CREB5: variants seen among roughly 807,000 people sequenced by gnomAD.
CREB5 encodes the protein cyclic AMP-responsive element-binding protein 5.
CREB5 carries 19 observed loss-of-function variants against 57.1 expected under a neutral mutation model. That is an observed-to-expected ratio of 0.33 (90% CI 0.23 to 0.49). CREB5 has a LOEUF of 0.49. CREB5 is among the 20% of genes least tolerant of loss of function. The pLI is 0.99. For synonymous variants in CREB5, 238 were observed against 238.3 expected (o/e 1.00, Z 0.01); for missense variants, 579 against 671.6 (o/e 0.86, Z 1.52).
At chr7:28,614,063 G>T (rs977248594) in intron 5 of CREB5, among the ~76,000 whole-genome samples, 11 of 152,138 alleles carry the variant, frequency 7.2e-5, no homozygotes, top group African/African-American at 2.7e-4. Context: ...AGCCTCAAGA[G>T]ATCCTCTCAC....
intron 6 of CREB5, among the ~76,000 whole-genome samples, chr7:28,720,651 A>G (rs183190861): frequency 2.2e-4 from 34 of 152,290 alleles, no homozygotes; most frequent in African/African-American, 7.7e-4. Context: ...ACACTGGGCC[A>G]GAGGACAGAT....
intron 6 of CREB5, among the ~76,000 whole-genome samples, chr7:28,723,018 C>T (rs969059035): frequency 1.3e-5 from 2 of 152,206 alleles, no homozygotes; most frequent in Non-Finnish European, 2.9e-5. Context: ...CACTCTTGTT[C>T]GTGAGGTTTC....
At chr7:28,673,347 C>T (rs1800143685) in intron 5 of CREB5, among the ~76,000 whole-genome samples, 1 of 152,124 alleles carries the variant, frequency 6.6e-6, no homozygotes, top group Non-Finnish European at 1.5e-5. Flanking sequence ...ATCCAGAAAG[C>T]ATCTGCTCCT....
At chr7:28,534,348 C>T (rs1793864214) in intron 4 of CREB5, among the ~76,000 whole-genome samples, 1 of 152,206 alleles carries the variant, frequency 6.6e-6, no homozygotes, top group African/African-American at 2.4e-5. Flanking sequence ...GTGTCTCAGC[C>T]CACCCTGCGT....
chr7:28,601,419 A>G (rs1796916731), intron 5 of CREB5, among the ~76,000 whole-genome samples: 1 of 152,166 alleles, frequency 6.6e-6, no homozygotes, highest in Non-Finnish European at 1.5e-5. Flanking sequence ...CATGAGCTCT[A>G]GAAGCAGCCC....
intron 7 of CREB5, among the ~76,000 whole-genome samples, chr7:28,778,268 A>G (rs1806774249): frequency 6.6e-6 from 1 of 152,254 alleles, no homozygotes; most frequent in Admixed American, 6.5e-5. Context: ...AAGGTATGTA[A>G]TGTTAAGCCT....
At chr7:28,454,575 C>T (rs177571) in intron 1 of CREB5, among the ~76,000 whole-genome samples, 130,809 of 152,102 alleles carry the variant, frequency 0.86, 56,691 homozygotes, top group East Asian at 1. Context: ...CCTCACCTTC[C>T]CCTGAGTCTA....
At chr7:28,327,917 AC>A (rs1208782510) in intron 1 of CREB5, among the ~76,000 whole-genome samples, 1 of 152,200 alleles carries the variant, frequency 6.6e-6, no homozygotes. Flanking sequence ...TTTTCAAAAA[AC>A]AAGTCTGGTT....
chr7:28,519,248 A>G (rs1261286901), intron 4 of CREB5, among the ~76,000 whole-genome samples: 4 of 152,108 alleles, frequency 2.6e-5, no homozygotes, highest in African/African-American at 9.7e-5. Flanking sequence ...GTATTACAAC[A>G]ATACATGTGT....
chr7:28,580,931 T>A (rs188269999), intron 5 of CREB5, among the ~76,000 whole-genome samples: 1 of 152,332 alleles, frequency 6.6e-6, no homozygotes, highest in African/African-American at 2.4e-5. Context: ...CCAGCATGAA[T>A]GAGTGCTGGT....
At chr7:28,677,252 G>A (rs934781896) in intron 5 of CREB5, among the ~76,000 whole-genome samples, 2 of 152,164 alleles carry the variant, frequency 1.3e-5, no homozygotes, top group Admixed American at 1.3e-4. Context: ...ACGTAGAAGT[G>A]TGGACTATGG....
In CREB5 at chr7:28,799,365, T is replaced by A. The variant is rs79985671; in HGVS notation, c.703-4834T>A. Among the ~76,000 whole-genome samples the A allele has an allele frequency of 6.6e-5, 10 of 152,320 alleles. No individual in the cohort carries two copies. In the East Asian group the frequency reaches 1.5e-3, roughly 23 times the overall value. ...CCACTTCCTTCAAATAGTGGGCAAATAACAATGTGCCTATTATGGTACCTG... is the reference window on the plus strand; with the variant it reads ...CCACTTCCTTCAAATAGTGGGCAAAAAACAATGTGCCTATTATGGTACCTG... On this transcript the variant is annotated intron_variant, in intron 7 of 10. Coordinates refer to ENST00000357727, the MANE Select transcript of CREB5 (RefSeq NM_182898.4).
At chr7:28,485,975 G>T (rs1036930729) in intron 1 of CREB5, among the ~76,000 whole-genome samples, 1 of 152,062 alleles carries the variant, frequency 6.6e-6, no homozygotes, top group African/African-American at 2.4e-5. Flanking sequence ...CCAGACAAGG[G>T]CAAGCAGAAA....
intron 6 of CREB5, among the ~76,000 whole-genome samples, chr7:28,720,787 A>G (rs1802989254): frequency 6.6e-6 from 1 of 152,202 alleles, no homozygotes; most frequent in Admixed American, 6.5e-5. Flanking sequence ...TTCCACCACA[A>G]GCTGTCTTCT....
chr7:28,809,263 G>T lies in CREB5; in HGVS notation c.1103G>T (p.Arg368Met). 1 of 1,614,182 alleles carries T rather than the reference G, an allele frequency of 6.2e-7. No homozygotes were observed. Among genetic ancestry groups the T allele is most frequent in the Non-Finnish European group, 8.5e-7 (1 of 1,180,036 alleles). ...PPQPTGGRRRRVVDEDPDERR... is the reference protein window; with the variant it reads ...PPQPTGGRRRMVVDEDPDERR... Reference sequence around the variant, plus strand: ...CAGCCCACAGGGGGGCGCCGGCGAAGGGTGGTAGACGAGGATCCGGACGAG... The same window carrying T: ...CAGCCCACAGGGGGGCGCCGGCGAATGGTGGTAGACGAGGATCCGGACGAG... The change falls in exon 9 of 11, where the codon AGG becomes ATG. Residue 368 changes from arginine (R) to methionine (M), a missense_variant. Arg to Met is a moderately conservative substitution (Grantham distance 91). Coordinates refer to ENST00000357727, the MANE Select transcript of CREB5 (RefSeq NM_182898.4).
chr7:28,303,522 G>T (rs906926612), intron 1 of CREB5, among the ~76,000 whole-genome samples: 2 of 152,156 alleles, frequency 1.3e-5, no homozygotes, highest in African/African-American at 4.8e-5. Context: ...TAACTTTGCC[G>T]ATGTAAAAAT....
intron 5 of CREB5, among the ~76,000 whole-genome samples, chr7:28,701,704 A>G (rs1028213639): frequency 3.9e-5 from 6 of 152,214 alleles, no homozygotes; most frequent in African/African-American, 1.4e-4. Flanking sequence ...ACATCAAATG[A>G]TAGTTATAGT....
At chr7:28,327,681 C>T (rs1785634479) in intron 1 of CREB5, among the ~76,000 whole-genome samples, 2 of 152,038 alleles carry the variant, frequency 1.3e-5, no homozygotes, top group African/African-American at 2.4e-5. Context: ...TTATCATGGC[C>T]GCACTTCCTG....
At position 28,514,683 on chromosome 7, in the gene CREB5, C is replaced by T. The variant is rs548719357; in HGVS notation, c.291+6946C>T. Among the ~76,000 whole-genome samples the T allele has an allele frequency of 7.9e-5, 12 of 152,300 alleles. No homozygotes were observed. The East Asian group carries it at 1.9e-3, about 24-fold the overall frequency. On this transcript the variant is annotated intron_variant, in intron 4 of 10. Transcript: ENST00000357727. ...TGCTGGGATTACAGGCGTGAGCCACCGCGCCTGGCCTATCACAGGTTTTAT... is the reference window on the plus strand; with the variant it reads ...TGCTGGGATTACAGGCGTGAGCCACTGCGCCTGGCCTATCACAGGTTTTAT...
Sources: gnomAD v4.1 joint callset for allele counts (sites outside exome capture counted in the v4.1 genomes callset) on GRCh38, gnomAD v4.1.1 for gene constraint, MANE v1.5 for transcripts, NCBI Gene and HGNC (gene_info 2026-07-23, HGNC 2026-07-21) for gene names.